The following CTNNA2 variants were observed in gnomAD, a reference collection of about 807,000 sequenced individuals.
CTNNA2 encodes the protein catenin alpha-2.
A neutral mutation model predicts 101.0 loss-of-function variants in CTNNA2; 42 were observed. The observed-to-expected ratio is 0.42, with a 90% CI of 0.32 to 0.54. CTNNA2 has a LOEUF of 0.54. Ranked by LOEUF, CTNNA2 falls within the 20% of genes least tolerant of loss-of-function variation. The pLI, the probability that CTNNA2 is intolerant of heterozygous loss-of-function variation, is 0.14. For missense variants in CTNNA2, 871 were observed against 1,223.1 expected, an observed-to-expected ratio of 0.71 and a Z score of 4.29; for synonymous variants, 450 against 456.4, an observed-to-expected ratio of 0.99 and a Z score of 0.18.
At chr2:79,906,575 C>T (rs1004446785) in intron 6 of CTNNA2, among the ~76,000 whole-genome samples, 1 of 152,046 alleles carries the variant, frequency 6.6e-6, no homozygotes, top group Admixed American at 6.6e-5. Context: ...TGAATAATTC[C>T]ATTAGAAATG....
intron 7 of CTNNA2, among the ~76,000 whole-genome samples, chr2:80,152,794 A>G (rs1703785541): frequency 6.6e-6 from 1 of 152,086 alleles, no homozygotes; most frequent in South Asian, 2.1e-4. Context: ...GGACATTTGT[A>G]TCTGTGCAAG....
At chr2:79,563,635 C>T (rs1345566962) in intron 1 of CTNNA2, among the ~76,000 whole-genome samples, 3 of 152,128 alleles carry the variant, frequency 2.0e-5, no homozygotes, top group Non-Finnish European at 4.4e-5. Flanking sequence ...AAATTTTATG[C>T]TAATTATGCA....
intron 7 of CTNNA2, among the ~76,000 whole-genome samples, chr2:79,991,312 A>G (rs567574209): frequency 6.6e-6 from 1 of 152,308 alleles, no homozygotes; most frequent in African/African-American, 2.4e-5. Flanking sequence ...AGTGAATGGA[A>G]TTGAAGTATT....
chr2:79,764,327 G>A (rs1672992538), intron 3 of CTNNA2, among the ~76,000 whole-genome samples: 1 of 152,060 alleles, frequency 6.6e-6, no homozygotes, highest in African/African-American at 2.4e-5. Flanking sequence ...TATATTTCCT[G>A]TTATGCCAAT....
intron 9 of CTNNA2, among the ~76,000 whole-genome samples, chr2:80,421,039 G>A (rs1680481078): frequency 6.6e-6 from 1 of 152,066 alleles, no homozygotes; most frequent in African/African-American, 2.4e-5. Context: ...GCTATTTAGG[G>A]ATCCAGAGTC....
At chr2:79,999,736 C>G (rs1258315773) in intron 7 of CTNNA2, among the ~76,000 whole-genome samples, 1 of 152,136 alleles carries the variant, frequency 6.6e-6, no homozygotes. Context: ...TCCTATGAGC[C>G]CAGTACAGCT....
intron 7 of CTNNA2, among the ~76,000 whole-genome samples, chr2:80,238,864 C>T (rs1709686206): frequency 6.6e-6 from 1 of 152,190 alleles, no homozygotes; most frequent in Non-Finnish European, 1.5e-5. Flanking sequence ...TAAATCAGAT[C>T]AATTACTACC....
rs116110617 is a variant in CTNNA2 at position 80,258,925 on chromosome 2, A to T, written c.1057-134286A>T. ...GGTACCTCTCCTAAACGTTACTGAC[A>T]TTATGATTAAGTCTACTTCTACAGA... is the stretch of plus-strand genomic sequence containing the variant. On this transcript the variant is annotated intron_variant, in intron 7 of 18. Coordinates refer to ENST00000402739, the MANE Select transcript of CTNNA2 (RefSeq NM_001282597.3). 1.4e-3 allele frequency among the ~76,000 whole-genome samples: 206 copies of T among 152,266 alleles called. 1 individual carries two copies. The highest frequency in any genetic ancestry group is 4.6e-3 in the African/African-American group (193 of 41,566).
At chr2:79,704,458 G>A (rs909592825) in intron 2 of CTNNA2, among the ~76,000 whole-genome samples, 4 of 150,996 alleles carry the variant, frequency 2.6e-5, no homozygotes, top group Admixed American at 1.3e-4. Context: ...ATATCCTAGA[G>A]AAACTGCAAA....
intron 7 of CTNNA2, among the ~76,000 whole-genome samples, chr2:79,930,347 AGAAAGAAAGAAT>A (rs1446435637): frequency 0.16 from 15,182 of 92,908 alleles, 1,064 homozygotes; most frequent in Non-Finnish European, 0.19. Flanking sequence ...AAAGAAAGAA[AGAAAGAAAGAAT>A]GAACACGGGT....
chr2:79,365,362 C>A (rs535756566), intron 3 of CTNNA2, among the ~76,000 whole-genome samples: 2 of 152,080 alleles, frequency 1.3e-5, no homozygotes, highest in Non-Finnish European at 2.9e-5. Flanking sequence ...GTGTCTCACA[C>A]CTGTAATCCC....
At chr2:80,418,084 A>C (rs1289220631) in intron 8 of CTNNA2, among the ~76,000 whole-genome samples, 1 of 152,074 alleles carries the variant, frequency 6.6e-6, no homozygotes, top group Non-Finnish European at 1.5e-5. Context: ...TTCCACTCTA[A>C]ATATCTTTTC....
intron 3 of CTNNA2, among the ~76,000 whole-genome samples, chr2:79,758,194 T>C (rs562723573): frequency 8.2e-4 from 125 of 152,310 alleles, no homozygotes; most frequent in African/African-American, 2.6e-3. Flanking sequence ...AGAAACCTGG[T>C]TATCAAGCAT....
intron 18 of CTNNA2, among the ~76,000 whole-genome samples, chr2:80,647,255 C>A (rs958775691): frequency 4.0e-5 from 6 of 151,878 alleles, no homozygotes; most frequent in Non-Finnish European, 8.8e-5. Context: ...GAGAGGTAAC[C>A]CCTTATAACT....
intron 15 of CTNNA2, chr2:80,603,640 T>A (rs1476018253): frequency 6.5e-6 from 1 of 153,066 alleles, no homozygotes; most frequent in Non-Finnish European, 1.5e-5. Context: ...ACTTATGACC[T>A]GTATAAGCTT....
intron 7 of CTNNA2, among the ~76,000 whole-genome samples, chr2:80,379,555 G>T (rs1167713491): frequency 1.3e-5 from 2 of 151,928 alleles, no homozygotes; most frequent in African/African-American, 2.4e-5. Flanking sequence ...TGTGGATTTT[G>T]GTTCTATTTC....
intron 7 of CTNNA2, among the ~76,000 whole-genome samples, chr2:80,261,466 A>G (rs539403515): frequency 2.4e-4 from 36 of 152,212 alleles, no homozygotes; most frequent in African/African-American, 8.4e-4. Context: ...ACTGCGTAAT[A>G]TATTTTTTAA....
At chr2:79,958,439 G>C (rs115182249) in intron 7 of CTNNA2, among the ~76,000 whole-genome samples, 1 of 152,152 alleles carries the variant, frequency 6.6e-6, no homozygotes, top group East Asian at 1.9e-4. Context: ...GTCCTTAAAG[G>C]AGGAGGGAGG....
chr2:79,932,457 T>C (rs140547044), intron 7 of CTNNA2, among the ~76,000 whole-genome samples: 168 of 152,212 alleles, frequency 1.1e-3, no homozygotes, highest in African/African-American at 3.8e-3. Flanking sequence ...CAGCCACCTA[T>C]GCTGAGATAC....
Sources: gnomAD v4.1 joint callset for allele counts (sites outside exome capture counted in the v4.1 genomes callset) on GRCh38, gnomAD v4.1.1 for gene constraint, MANE v1.5 for transcripts, NCBI Gene and HGNC (gene_info 2026-07-23, HGNC 2026-07-21) for gene names.